EIF2B3: variants seen among roughly 807,000 people sequenced by gnomAD.
EIF2B3 encodes translation initiation factor eIF2B subunit gamma.
A neutral mutation model predicts 54.1 loss-of-function variants in EIF2B3; 20 were observed. That is an observed-to-expected ratio of 0.37 (90% CI 0.26 to 0.54). The LOEUF (loss-of-function observed/expected upper bound fraction) is 0.54, where lower values mean the gene tolerates loss of function less well. Among genes scored for constraint, EIF2B3 ranks in the 20% least tolerant of loss-of-function variants. EIF2B3 has a pLI of 0.86. For synonymous variants in EIF2B3, 153 were observed against 188.1 expected, an observed-to-expected ratio of 0.81 and a Z score of 1.52; for missense variants, 448 against 547.8, an observed-to-expected ratio of 0.82 and a Z score of 1.82.
chr1:44,865,216 T>TA (rs57763807), intron 10 of EIF2B3, among the ~76,000 whole-genome samples: 68 of 140,032 alleles, frequency 4.9e-4, no homozygotes, highest in South Asian at 6.9e-4. Flanking sequence ...GACTCCATCT[T>TA]AAAAAAAAAA....
intron 6 of EIF2B3, among the ~76,000 whole-genome samples, chr1:44,886,724 A>C (rs1412029955): frequency 6.6e-6 from 1 of 152,258 alleles, no homozygotes; most frequent in Non-Finnish European, 1.5e-5. Context: ...GCAAATGCCG[A>C]GCTGTAACCA....
chr1:44,865,273 T>C (rs1246210013), intron 10 of EIF2B3, among the ~76,000 whole-genome samples: 1 of 151,984 alleles, frequency 6.6e-6, no homozygotes, highest in Admixed American at 6.6e-5. Context: ...CTATGTGGCC[T>C]GATGTTTTTC....
At position 44,866,053 on chromosome 1, in the gene EIF2B3, C is replaced by A. The variant is rs1008688642; in HGVS notation, c.1203-8246G>T. On this transcript the variant is annotated intron_variant, in intron 10 of 11. Transcript: ENST00000360403. ...GTAAATGCTTATAAGATATCTACTA[C>A]GTAAAAAGTGCAGTATTAAGAAGTT... Among the ~76,000 whole-genome samples, 9 of 151,974 alleles carry A rather than the reference C, an allele frequency of 5.9e-5. No individual in the cohort carries two copies. The East Asian group carries it at 1.7e-3, about 29-fold the overall frequency.
intron 10 of EIF2B3, among the ~76,000 whole-genome samples, chr1:44,873,921 A>G (rs944099762): frequency 6.6e-6 from 1 of 151,916 alleles, no homozygotes; most frequent in Non-Finnish European, 1.5e-5. Context: ...AAATGCTGGG[A>G]TTACAGGCAT....
At chr1:44,966,797 C>A (rs1283886327) in intron 3 of EIF2B3, among the ~76,000 whole-genome samples, 1 of 152,038 alleles carries the variant, frequency 6.6e-6, no homozygotes. Context: ...GAAAGACATG[C>A]CCACAAACAG....
At chr1:44,986,273 G>C (rs1644576539) in intron 1 of EIF2B3, among the ~76,000 whole-genome samples, 1 of 151,950 alleles carries the variant, frequency 6.6e-6, no homozygotes, top group South Asian at 2.1e-4. Flanking sequence ...TCGAGTAGCT[G>C]AGATTAGAAA....
intron 3 of EIF2B3, among the ~76,000 whole-genome samples, chr1:44,942,377 TTATATATATATATA>T (rs1170326455): frequency 1.9e-3 from 40 of 21,594 alleles, no homozygotes; most frequent in African/African-American, 4.1e-3. Context: ...CTTTCTGATT[TTATATATATATATA>T]TATATATATA....
intron 11 of EIF2B3, among the ~76,000 whole-genome samples, chr1:44,854,374 A>T (rs1015210051): frequency 6.6e-6 from 1 of 151,944 alleles, no homozygotes; most frequent in East Asian, 1.9e-4. Context: ...TTTGGCTGCC[A>T]GTATTTTTGC....
At chr1:44,854,007 G>GTTT (rs971169619) in intron 11 of EIF2B3, among the ~76,000 whole-genome samples, 2 of 134,532 alleles carry the variant, frequency 1.5e-5, no homozygotes, top group Non-Finnish European at 3.2e-5. Flanking sequence ...TTTTTTTTTT[G>GTTT]TTTTTTTTTT....
rs531629354 is a variant in EIF2B3, at chr1:44,902,543, C to G, written c.567-5099G>C. 5.3e-5 allele frequency among the ~76,000 whole-genome samples: 8 copies of G among 152,098 alleles called. No homozygotes were observed. The East Asian group carries it at 1.4e-3, about 26-fold the overall frequency. On this transcript the variant is annotated intron_variant, in intron 5 of 11. Coordinates refer to ENST00000360403, the MANE Select transcript of EIF2B3 (RefSeq NM_020365.5). ...AAAGAAAGAAAGAAATGTTTCCAGT[C>G]AGGCACAGTGGCTCATGCATGTAAT...
chr1:44,869,187 GCTTTATATGGC>G (rs1654877308), intron 10 of EIF2B3, among the ~76,000 whole-genome samples: 1 of 152,086 alleles, frequency 6.6e-6, no homozygotes, highest in South Asian at 2.1e-4. Flanking sequence ...TATCCTAAAT[GCTTTATATGGC>G]CGGGCATGGT....
At chr1:44,964,428 G>T (rs1185267679) in intron 3 of EIF2B3, among the ~76,000 whole-genome samples, 3 of 152,200 alleles carry the variant, frequency 2.0e-5, no homozygotes, top group Non-Finnish European at 2.9e-5. Flanking sequence ...AAGGTTCCAG[G>T]AAAGAATGAC....
At chr1:44,914,229 T>C (rs1472757225) in intron 5 of EIF2B3, among the ~76,000 whole-genome samples, 1 of 146,938 alleles carries the variant, frequency 6.8e-6, no homozygotes, top group Non-Finnish European at 1.5e-5. Flanking sequence ...GGCGTGATCT[T>C]GGCTCACTGC....
intron 4 of EIF2B3, among the ~76,000 whole-genome samples, chr1:44,930,123 T>C (rs1643883540): frequency 6.6e-6 from 1 of 152,240 alleles, no homozygotes; most frequent in Admixed American, 6.5e-5. Context: ...CTGATTCTTC[T>C]GTCTCATCTA....
chr1:44,933,599 T>C (rs144252013), intron 4 of EIF2B3, among the ~76,000 whole-genome samples: 104 of 152,264 alleles, frequency 6.8e-4, no homozygotes, highest in South Asian at 2.9e-3. Flanking sequence ...CTTAGATAAT[T>C]AGATACTCTT....
chr1:44,893,197 G>A (rs1457222207), intron 6 of EIF2B3, among the ~76,000 whole-genome samples: 1 of 152,182 alleles, frequency 6.6e-6, no homozygotes, highest in Non-Finnish European at 1.5e-5. Flanking sequence ...CTGAGTAGGT[G>A]AGACTAGAGG....
At chr1:44,920,028 CTTTT>C (rs1281416789) in intron 5 of EIF2B3, among the ~76,000 whole-genome samples, 1 of 147,532 alleles carries the variant, frequency 6.8e-6, no homozygotes, top group Non-Finnish European at 1.5e-5. Flanking sequence ...CCTGAATGTC[CTTTT>C]TCTTTCTTTT....
intron 10 of EIF2B3, among the ~76,000 whole-genome samples, chr1:44,858,794 T>C (rs886569047): frequency 2.0e-5 from 3 of 152,062 alleles, no homozygotes; most frequent in African/African-American, 7.2e-5. Context: ...TAAGGTATCA[T>C]TATGTTGCCC....
chr1:44,888,559 T>C (rs749037143), intron 6 of EIF2B3, among the ~76,000 whole-genome samples: 8 of 152,192 alleles, frequency 5.3e-5, no homozygotes, highest in Non-Finnish European at 8.8e-5. Flanking sequence ...TGTAAAGTTT[T>C]GATTAATGAG....
Sources: gnomAD v4.1 joint callset for allele counts (sites outside exome capture counted in the v4.1 genomes callset) on GRCh38, gnomAD v4.1.1 for gene constraint, MANE v1.5 for transcripts, NCBI Gene and HGNC (gene_info 2026-07-23, HGNC 2026-07-21) for gene names.